CDC42SE2: variants seen among roughly 807,000 people sequenced by gnomAD.
CDC42SE2 encodes the protein CDC42 small effector protein 2.
In CDC42SE2, 3 loss-of-function variants were observed where a neutral mutation model predicts 11.5. That is an observed-to-expected ratio of 0.26 (90% confidence interval 0.12 to 0.67). The LOEUF is 0.67. Ranked by LOEUF, CDC42SE2 falls within the 30% of genes least tolerant of loss-of-function variation. The pLI is 0.80. For missense variants in CDC42SE2, 82 were observed against 106.8 expected, an observed-to-expected ratio of 0.77 and a Z score of 1.02; for synonymous variants, 33 against 34.8, an observed-to-expected ratio of 0.95 and a Z score of 0.18.
At chr5:131,287,754 G>T (rs1165100284) in intron 1 of CDC42SE2, among the ~76,000 whole-genome samples, 1 of 152,096 alleles carries the variant, frequency 6.6e-6, no homozygotes, top group Non-Finnish European at 1.5e-5. Flanking sequence ...AATTACAGGT[G>T]TGAAGCACCA....
chr5:131,291,365 T>C (rs1757454310), intron 1 of CDC42SE2, among the ~76,000 whole-genome samples: 1 of 152,226 alleles, frequency 6.6e-6, no homozygotes. Flanking sequence ...TTAATTTGTC[T>C]GATGTGGGGC....
intron 1 of CDC42SE2, among the ~76,000 whole-genome samples, chr5:131,309,942 T>C (rs1242105212): frequency 7.9e-5 from 12 of 152,166 alleles, no homozygotes; most frequent in African/African-American, 2.6e-4. Flanking sequence ...GTGTCTCTAT[T>C]TCCTTCAGTT....
intron 1 of CDC42SE2, among the ~76,000 whole-genome samples, chr5:131,275,689 T>G (rs955397766): frequency 1.6e-4 from 24 of 152,050 alleles, no homozygotes; most frequent in African/African-American, 5.6e-4. Context: ...TTCTTGCTAG[T>G]TTTTGCTAAA....
intron 2 of CDC42SE2, among the ~76,000 whole-genome samples, chr5:131,335,289 C>T (rs1284581725): frequency 6.6e-6 from 1 of 152,170 alleles, no homozygotes; most frequent in East Asian, 1.9e-4. Context: ...GAGTGAGTTT[C>T]TTAATCCTGA....
the CDC42SE2 span, among the ~76,000 whole-genome samples, chr5:131,226,303 TA>T: frequency 6.6e-6 from 1 of 152,232 alleles, no homozygotes; most frequent in Non-Finnish European, 1.5e-5. Context: ...ATGATTTGAA[TA>T]AGCAGGAAAG....
intron 2 of CDC42SE2, among the ~76,000 whole-genome samples, chr5:131,326,772 A>AT (rs1758309730): frequency 6.6e-6 from 1 of 151,888 alleles, no homozygotes; most frequent in African/African-American, 2.4e-5. Flanking sequence ...TGTTATATTT[A>AT]TTTTTTATTA....
At chr5:131,268,973 T>G (rs1439864171) in intron 1 of CDC42SE2, among the ~76,000 whole-genome samples, 3 of 151,912 alleles carry the variant, frequency 2.0e-5, no homozygotes, top group African/African-American at 7.3e-5. Flanking sequence ...ATGGTCTCGA[T>G]CGCTTGACCT....
At chr5:131,336,504 T>C (rs1340504176) in intron 2 of CDC42SE2, among the ~76,000 whole-genome samples, 1 of 152,310 alleles carries the variant, frequency 6.6e-6, no homozygotes, top group South Asian at 2.1e-4. Context: ...TTTCCTGAAT[T>C]TGAATGTTGG....
chr5:131,217,817 C>T, the CDC42SE2 span, among the ~76,000 whole-genome samples: 1 of 152,154 alleles, frequency 6.6e-6, no homozygotes, highest in Non-Finnish European at 1.5e-5. Flanking sequence ...ATTTGTGATA[C>T]ATATATCTGA....
intron 1 of CDC42SE2, among the ~76,000 whole-genome samples, chr5:131,311,364 C>G (rs1056048878): frequency 6.6e-6 from 1 of 152,052 alleles, no homozygotes; most frequent in African/African-American, 2.4e-5. Flanking sequence ...TTCTCTCTGG[C>G]TGCCCTTAAT....
intron 2 of CDC42SE2, among the ~76,000 whole-genome samples, chr5:131,350,641 A>G (rs944460918): frequency 1.3e-5 from 2 of 149,076 alleles, no homozygotes; most frequent in East Asian, 1.9e-4. Flanking sequence ...GTGTGTGTAT[A>G]TATATATGTA....
chr5:131,375,382 A>C (rs1453601046), intron 3 of CDC42SE2, among the ~76,000 whole-genome samples: 6 of 152,214 alleles, frequency 3.9e-5, no homozygotes, highest in Admixed American at 6.5e-5. Flanking sequence ...TGAATTGTAA[A>C]TGCATTACCA....
chr5:131,238,392 A>G, the CDC42SE2 span, among the ~76,000 whole-genome samples: 3 of 151,664 alleles, frequency 2.0e-5, no homozygotes, highest in East Asian at 5.8e-4. Flanking sequence ...AGTACCAGCT[A>G]CTCAGGAGGC....
chr5:131,393,639 A>G lies in CDC42SE2; in HGVS notation c.*2548A>G, dbSNP rs1750742275. The G allele has an allele frequency of 6.6e-6, 1 of 152,272 alleles. No homozygotes were observed. The highest frequency in any genetic ancestry group is 1.5e-5 in the Non-Finnish European group (1 of 68,034). 9.4% of individuals were successfully genotyped at this position (152,272 alleles called of 1,614,324 possible). A position where few individuals can be genotyped will look rare whatever the true frequency, so the allele number is the denominator to read the frequency against. ...TATGTGCTGTGTGCAAGCTCTTTAG[A>G]AGAGAGATTGGATTTTCTTGGCATT... On this transcript the variant is annotated 3_prime_UTR_variant, in exon 5 of 5. Coordinates refer to ENST00000505065, the MANE Select transcript of CDC42SE2 (RefSeq NM_001375635.1).
intron 1 of CDC42SE2, among the ~76,000 whole-genome samples, chr5:131,287,834 G>A (rs948035114): frequency 1.3e-5 from 2 of 152,128 alleles, no homozygotes; most frequent in Non-Finnish European, 2.9e-5. Context: ...GCCAATAGAT[G>A]TAAAAGTCTC....
chr5:131,250,091 T>C (rs1007057818), intron 1 of CDC42SE2, among the ~76,000 whole-genome samples: 1 of 152,178 alleles, frequency 6.6e-6, no homozygotes, highest in African/African-American at 2.4e-5. Context: ...TGAATATTCA[T>C]ATACCCTATG....
intron 2 of CDC42SE2, among the ~76,000 whole-genome samples, chr5:131,324,003 T>C (rs1199347942): frequency 4.6e-5 from 7 of 152,190 alleles, no homozygotes; most frequent in African/African-American, 1.7e-4. Context: ...TTTAGGGGTG[T>C]GAGTGTTCTA....
intron 1 of CDC42SE2, among the ~76,000 whole-genome samples, chr5:131,303,785 G>A (rs1245309349): frequency 6.6e-6 from 1 of 152,116 alleles, no homozygotes; most frequent in Non-Finnish European, 1.5e-5. Context: ...TGCAAAACTA[G>A]CATAATTTTT....
At chr5:131,267,397 A>G (rs1469431104) in intron 1 of CDC42SE2, among the ~76,000 whole-genome samples, 1 of 151,958 alleles carries the variant, frequency 6.6e-6, no homozygotes, top group Non-Finnish European at 1.5e-5. Flanking sequence ...TAGTGTTTTC[A>G]AAGTATTGTT....
Sources: allele counts gnomAD v4.1 joint callset (sites outside exome capture counted in the v4.1 genomes callset), GRCh38; gene constraint gnomAD v4.1.1; transcripts MANE v1.5; gene names NCBI Gene and HGNC (gene_info 2026-07-23, HGNC 2026-07-21).